THEMIS: variants seen among roughly 807,000 people sequenced by gnomAD.
THEMIS encodes protein THEMIS.
In THEMIS, 37 loss-of-function variants were observed where a neutral mutation model predicts 52.6. That is an observed-to-expected ratio of 0.70 (90% confidence interval 0.54 to 0.93). THEMIS has a LOEUF of 0.93. Among genes scored for constraint, THEMIS ranks in the 40% least tolerant of loss-of-function variants. The pLI is 0.00. For missense variants in THEMIS, 808 were observed against 763.1 expected (o/e 1.06, Z -0.69); for synonymous variants, 292 against 272.7 (o/e 1.07, Z -0.70).
intron 4 of THEMIS, among the ~76,000 whole-genome samples, chr6:127,802,356 C>A (rs890207298): frequency 6.6e-6 from 1 of 152,182 alleles, no homozygotes; most frequent in African/African-American, 2.4e-5. Flanking sequence ...ACGAGGGAAC[C>A]ACTGTCACTC....
chr6:127,902,334 A>T (rs995498471), upstream of THEMIS, among the ~76,000 whole-genome samples: 17 of 150,098 alleles, frequency 1.1e-4, 1 homozygote, highest in African/African-American at 3.2e-4. Flanking sequence ...CAAAAAAAAA[A>T]AAAAAAAAAA....
intron 1 of THEMIS, among the ~76,000 whole-genome samples, chr6:127,896,979 A>G (rs1299382098): frequency 6.6e-6 from 1 of 151,506 alleles, no homozygotes; most frequent in Non-Finnish European, 1.5e-5. Flanking sequence ...GTAGATGAAT[A>G]GAACAGCATA....
chr6:127,846,453 G>A (rs941876111), intron 2 of THEMIS, among the ~76,000 whole-genome samples: 1 of 151,894 alleles, frequency 6.6e-6, no homozygotes, highest in Non-Finnish European at 1.5e-5. Flanking sequence ...TGAAATTGGA[G>A]ATATTACAAC....
intron 4 of THEMIS, among the ~76,000 whole-genome samples, chr6:127,772,097 A>G (rs1202901621): frequency 6.6e-6 from 1 of 151,832 alleles, no homozygotes; most frequent in African/African-American, 2.4e-5. Flanking sequence ...GGTTTTTCTG[A>G]TTTATTTAAT....
chr6:127,880,020 A>G lies in THEMIS; in HGVS notation c.91+20822T>C, dbSNP rs546244403. On this transcript the variant is annotated intron_variant, in intron 1 of 5. Coordinates refer to ENST00000368248, the MANE Select transcript of THEMIS (RefSeq NM_001010923.3). ...GTTTTCCTCCATTTTTTAGGCATGC[A>G]ATGCATGTACAGTTGATCTGCCACT... Among the ~76,000 whole-genome samples the G allele has an allele frequency of 2.2e-3, 336 of 152,274 alleles. 4 individuals carry two copies. Among genetic ancestry groups the G allele is most frequent in the Middle Eastern group, 0.02 (6 of 294 alleles).
chr6:127,747,671 T>G (rs1310573857), intron 4 of THEMIS, among the ~76,000 whole-genome samples: 1 of 151,850 alleles, frequency 6.6e-6, no homozygotes, highest in Non-Finnish European at 1.5e-5. Flanking sequence ...AAAAGACTAC[T>G]CATAAGATAA....
At chr6:127,916,579 GT>G (rs1280085334) in intron 1 of THEMIS, among the ~76,000 whole-genome samples, 3 of 152,222 alleles carry the variant, frequency 2.0e-5, no homozygotes, top group Non-Finnish European at 4.4e-5. Context: ...AATGGGTACA[GT>G]AAGACAAAGA....
At chr6:127,909,412 G>A (rs1187772008) in intron 1 of THEMIS, among the ~76,000 whole-genome samples, 3 of 152,008 alleles carry the variant, frequency 2.0e-5, no homozygotes, top group Non-Finnish European at 4.4e-5. Flanking sequence ...GAGTTCTCAC[G>A]AGATCTGATG....
In THEMIS at chr6:127,882,551, C is replaced by T. The variant is rs570080685; in HGVS notation, c.91+18291G>A. On this transcript the variant is annotated intron_variant, in intron 1 of 5. Coordinates refer to ENST00000368248, the MANE Select transcript of THEMIS (RefSeq NM_001010923.3). Reference sequence around the variant, plus strand: ...ATGTAAAAAAATTCTACTTTAGAAACGTAATGTTTGTCTTCAATGAATCTT... The same window carrying T: ...ATGTAAAAAAATTCTACTTTAGAAATGTAATGTTTGTCTTCAATGAATCTT... 2.0e-4 allele frequency among the ~76,000 whole-genome samples: 30 copies of T among 151,928 alleles called. No individual in the cohort carries two copies. The East Asian group carries it at 5.2e-3, about 26-fold the overall frequency.
At chr6:127,769,074 C>A (rs992101579) in intron 4 of THEMIS, among the ~76,000 whole-genome samples, 1 of 152,162 alleles carries the variant, frequency 6.6e-6, no homozygotes, top group Non-Finnish European at 1.5e-5. Flanking sequence ...TGGCTGGATT[C>A]TGGTCAACTT....
chr6:127,743,782 A>C (rs1775288745), intron 4 of THEMIS, among the ~76,000 whole-genome samples: 1 of 152,138 alleles, frequency 6.6e-6, no homozygotes, highest in South Asian at 2.1e-4. Flanking sequence ...ATCATTTATT[A>C]GGAATTATTT....
rs748513282 is a variant in THEMIS at position 127,799,553 on chromosome 6, A to ATCTTTCTTTCTTTCTT, written c.1758+13314_1758+13329dup. Among the ~76,000 whole-genome samples, 110 of 144,620 alleles carry ATCTTTCTTTCTTTCTT rather than the reference A, an allele frequency of 7.6e-4. 2 individuals are homozygous for ATCTTTCTTTCTTTCTT. The highest frequency in any genetic ancestry group is 2.4e-3 in the South Asian group (11 of 4,518). 94.9% of individuals were successfully genotyped at this position (144,620 alleles called of 152,430 possible). ...TCTCTTTCTTTCTTTCTTTCTTTCTATCTTTCTTTCTTTCTTTCTTTCTTT... is the reference window on the plus strand; with the variant it reads ...TCTCTTTCTTTCTTTCTTTCTTTCTATCTTTCTTTCTTTCTTTCTTTCTTTCTTTCTTTCTTTCTTT... On this transcript the variant is annotated intron_variant, in intron 4 of 5. Transcript: ENST00000368248.
intron 4 of THEMIS, among the ~76,000 whole-genome samples, chr6:127,729,781 T>A (rs1296842558): frequency 1.3e-5 from 2 of 152,198 alleles, no homozygotes; most frequent in African/African-American, 4.8e-5. Flanking sequence ...ATTAAGTTCA[T>A]TCGAGTAATG....
chr6:127,769,594 T>C (rs1327452178), intron 4 of THEMIS, among the ~76,000 whole-genome samples: 2 of 152,022 alleles, frequency 1.3e-5, no homozygotes, highest in Non-Finnish European at 2.9e-5. Flanking sequence ...TCTGCTCCAT[T>C]AGACAAAGGC....
chr6:127,913,099 G>C (rs1185960474), intron 1 of THEMIS, among the ~76,000 whole-genome samples: 1 of 152,128 alleles, frequency 6.6e-6, no homozygotes, highest in Admixed American at 6.5e-5. Context: ...TGAACGTAAT[G>C]CTCTGCTGGC....
chr6:127,880,571 T>TAA (rs33909885), intron 1 of THEMIS, among the ~76,000 whole-genome samples: 32,813 of 132,758 alleles, frequency 0.25, 4,121 homozygotes, highest in South Asian at 0.42. Flanking sequence ...AAAGACAAAT[T>TAA]AAAAAAAAAA....
chr6:127,857,058 T>C (rs1159847322), intron 1 of THEMIS, among the ~76,000 whole-genome samples: 8 of 135,176 alleles, frequency 5.9e-5, no homozygotes, highest in Non-Finnish European at 1.1e-4. Context: ...TGTTCATTCA[T>C]TCAGCAAACT....
At chr6:127,774,354 A>G (rs1776486349) in intron 4 of THEMIS, among the ~76,000 whole-genome samples, 1 of 152,238 alleles carries the variant, frequency 6.6e-6, no homozygotes, top group East Asian at 1.9e-4. Flanking sequence ...TAAGGGCGCC[A>G]GCCACCATGC....
At chr6:127,818,586 A>G (rs1000354110) in intron 3 of THEMIS, among the ~76,000 whole-genome samples, 1 of 151,870 alleles carries the variant, frequency 6.6e-6, no homozygotes, top group Non-Finnish European at 1.5e-5. Flanking sequence ...GGCTTTCAAA[A>G]AAAAAAAAAA....
Sources: gnomAD v4.1 joint callset for allele counts (sites outside exome capture counted in the v4.1 genomes callset) on GRCh38, gnomAD v4.1.1 for gene constraint, MANE v1.5 for transcripts, NCBI Gene and HGNC (gene_info 2026-07-23, HGNC 2026-07-21) for gene names.